The following MGAT4C variants were observed in gnomAD, a reference collection of about 807,000 sequenced individuals.
The protein encoded by MGAT4C is alpha-1,3-mannosyl-glycoprotein 4-beta-N-acetylglucosaminyltransferase C.
In MGAT4C, 19 loss-of-function variants were observed where a neutral mutation model predicts 40.1. That is an observed-to-expected ratio of 0.47 (90% CI 0.33 to 0.70). MGAT4C has a LOEUF of 0.70. MGAT4C is among the 30% of genes least tolerant of loss of function. MGAT4C has a pLI of 0.02. For missense variants in MGAT4C, 491 were observed against 563.2 expected, an observed-to-expected ratio of 0.87 and a Z score of 1.30; for synonymous variants, 181 against 187.1, an observed-to-expected ratio of 0.97 and a Z score of 0.27.
intron 1 of MGAT4C, among the ~76,000 whole-genome samples, chr12:86,059,027 T>C (rs1893673568): frequency 6.6e-6 from 1 of 152,106 alleles, no homozygotes; most frequent in Non-Finnish European, 1.5e-5. Flanking sequence ...AGATCTAACA[T>C]GTTTTTTGCT....
intron 1 of MGAT4C, among the ~76,000 whole-genome samples, chr12:86,168,535 G>C (rs949618340): frequency 2.0e-5 from 3 of 152,000 alleles, no homozygotes; most frequent in Non-Finnish European, 4.4e-5. Context: ...CAAAAAACCA[G>C]AAAGATTCAG....
At chr12:86,062,625 A>C (rs6539944) in intron 1 of MGAT4C, among the ~76,000 whole-genome samples, 121,324 of 151,684 alleles carry the variant, frequency 0.8, 49,124 homozygotes, top group East Asian at 0.97. Context: ...AAGCTAAGAA[A>C]CTTGAAAAAA....
At chr12:86,461,740 A>C (rs565818745) in intron 2 of MGAT4C, among the ~76,000 whole-genome samples, 150 of 152,338 alleles carry the variant, frequency 9.8e-4, no homozygotes, top group Middle Eastern at 3.4e-3. Context: ...ATTTCTTAAA[A>C]AATTAAAATA....
chr12:86,464,303 T>C (rs531355156), intron 2 of MGAT4C, among the ~76,000 whole-genome samples: 1 of 152,312 alleles, frequency 6.6e-6, no homozygotes, highest in Non-Finnish European at 1.5e-5. Context: ...GCAAACTGTT[T>C]ACTTAAAACA....
intron 1 of MGAT4C, among the ~76,000 whole-genome samples, chr12:86,759,369 C>T (rs1171334638): frequency 6.6e-6 from 1 of 152,082 alleles, no homozygotes; most frequent in Non-Finnish European, 1.5e-5. Flanking sequence ...ATCTCTTCAA[C>T]ACACTGATTT....
intron 3 of MGAT4C, among the ~76,000 whole-genome samples, chr12:86,419,824 T>G (rs1956787102): frequency 6.6e-6 from 1 of 152,146 alleles, no homozygotes. Flanking sequence ...AGGCTAATAT[T>G]GACCCTATGT....
intron 4 of MGAT4C, among the ~76,000 whole-genome samples, chr12:86,326,080 T>A (rs962175024): frequency 2.0e-5 from 3 of 152,052 alleles, no homozygotes; most frequent in African/African-American, 4.8e-5. Flanking sequence ...TTATTTAGAA[T>A]AAGAATAATA....
At chr12:86,791,467 T>A (rs911273197) in intron 1 of MGAT4C, among the ~76,000 whole-genome samples, 1 of 150,480 alleles carries the variant, frequency 6.6e-6, no homozygotes, top group Admixed American at 6.6e-5. Context: ...TTAACCCACA[T>A]CAGGATAAAG....
chr12:86,774,317 T>TTCTTTCTTTCTTTC (rs1555227760), intron 1 of MGAT4C, among the ~76,000 whole-genome samples: 4 of 66,410 alleles, frequency 6.0e-5, no homozygotes, highest in Non-Finnish European at 1.4e-4. Flanking sequence ...CTTTCTTTCT[T>TTCTTTCTTTCTTTC]TCTTTCTTTC....
intron 2 of MGAT4C, chr12:86,016,325 A>G (rs1469996519): frequency 1.3e-5 from 2 of 152,250 alleles, no homozygotes; most frequent in Non-Finnish European, 2.9e-5. Context: ...TCAAATATCT[A>G]TATGGAACCA....
At chr12:86,726,285 T>C (rs1950820157) in intron 2 of MGAT4C, among the ~76,000 whole-genome samples, 1 of 152,220 alleles carries the variant, frequency 6.6e-6, no homozygotes, top group South Asian at 2.1e-4. Flanking sequence ...CCTACAAAAA[T>C]GTTTCTCTAA....
intron 4 of MGAT4C, among the ~76,000 whole-genome samples, chr12:86,291,819 T>C (rs1953525668): frequency 5.0e-5 from 2 of 40,070 alleles, no homozygotes; most frequent in Admixed American, 2.7e-4. Flanking sequence ...ATAAACTGAA[T>C]ACTGTGAATA....
chr12:86,183,368 C>T (rs1888337807), intron 1 of MGAT4C, among the ~76,000 whole-genome samples: 1 of 152,026 alleles, frequency 6.6e-6, no homozygotes, highest in Non-Finnish European at 1.5e-5. Context: ...GTAACTTGAG[C>T]TAGTTATTTA....
chr12:86,363,972 T>TCACACACA (rs58352727), intron 3 of MGAT4C, among the ~76,000 whole-genome samples: 3 of 148,690 alleles, frequency 2.0e-5, no homozygotes, highest in Non-Finnish European at 4.5e-5. Flanking sequence ...TCTCTCTCTC[T>TCACACACA]CACACACACA....
chr12:86,463,551 G>T (rs1186900290), intron 2 of MGAT4C, among the ~76,000 whole-genome samples: 1 of 152,044 alleles, frequency 6.6e-6, no homozygotes, highest in Non-Finnish European at 1.5e-5. Context: ...TCCTATTCAT[G>T]CATCAGAACT....
At chr12:86,806,447 T>A (rs76361379) in intron 1 of MGAT4C, among the ~76,000 whole-genome samples, 34 of 74,648 alleles carry the variant, frequency 4.6e-4, no homozygotes, top group African/African-American at 1.1e-3. Context: ...TGTGTGTGTG[T>A]GTGAGAGAGA....
At chr12:86,358,150 C>A (rs1955361046) in intron 3 of MGAT4C, among the ~76,000 whole-genome samples, 1 of 152,150 alleles carries the variant, frequency 6.6e-6, no homozygotes. Context: ...ACTCTCCAAG[C>A]CAGAAGAGAG....
intron 2 of MGAT4C, among the ~76,000 whole-genome samples, chr12:86,642,062 G>A (rs1963406451): frequency 6.6e-6 from 1 of 151,876 alleles, no homozygotes; most frequent in East Asian, 2.0e-4. Flanking sequence ...AACGAAATAG[G>A]AATGACAAAT....
intron 1 of MGAT4C, among the ~76,000 whole-genome samples, chr12:86,103,091 G>T (rs912503575): frequency 6.6e-6 from 1 of 152,004 alleles, no homozygotes; most frequent in Non-Finnish European, 1.5e-5. Flanking sequence ...GCCTGCATTG[G>T]CTCCATATTC....
Sources: allele counts gnomAD v4.1 joint callset (sites outside exome capture counted in the v4.1 genomes callset), GRCh38; gene constraint gnomAD v4.1.1; transcripts MANE v1.5; gene names NCBI Gene and HGNC (gene_info 2026-07-23, HGNC 2026-07-21).